AP1B1: variants seen among roughly 807,000 people sequenced by gnomAD.
The protein encoded by AP1B1 is adaptor related protein complex 1 subunit beta 1, also known as AP-1 complex subunit beta-1.
A neutral mutation model predicts 104.3 loss-of-function variants in AP1B1; 36 were observed. The ratio of observed to expected loss-of-function variants is 0.35; its 90% CI spans 0.26 to 0.46. The LOEUF (loss-of-function observed/expected upper bound fraction) is 0.46. Ranked by LOEUF, AP1B1 falls within the 20% of genes least tolerant of loss-of-function variation. The pLI, the probability that AP1B1 is intolerant of heterozygous loss-of-function variation, is 1.00. For synonymous variants in AP1B1, 504 were observed against 517.5 expected (o/e 0.97, Z 0.35); for missense variants, 901 against 1,247.9 (o/e 0.72, Z 4.19).
intron 1 of AP1B1, among the ~76,000 whole-genome samples, chr22:29,373,937 C>G (rs1322305970): frequency 7.7e-6 from 1 of 130,372 alleles, no homozygotes; most frequent in Non-Finnish European, 1.6e-5. Flanking sequence ...GTGGCTCACA[C>G]CTGTAATCCC....
At chr22:29,355,704 T>C (rs2061945683) in intron 6 of AP1B1, among the ~76,000 whole-genome samples, 1 of 151,988 alleles carries the variant, frequency 6.6e-6, no homozygotes, top group Non-Finnish European at 1.5e-5. Context: ...GAGACCAGTC[T>C]GGGCAACATG....
At chr22:29,376,356 G>A (rs1314733390) in intron 1 of AP1B1, among the ~76,000 whole-genome samples, 1 of 152,174 alleles carries the variant, frequency 6.6e-6, no homozygotes, top group Non-Finnish European at 1.5e-5. Context: ...CACACTCTTG[G>A]CACTCAGTGA....
chr22:29,358,614 G>A, intron 5 of AP1B1, 112 bp downstream of exon 5: 2 of 1,417,858 alleles, frequency 1.4e-6, no homozygotes, highest in South Asian at 2.7e-5. Flanking sequence ...GGCACCCCCA[G>A]CCAGGCTCCG....
rs1320742734 is a variant in AP1B1, at chr22:29,341,715, G to A, written c.1582C>T (p.Arg528Cys). 3 of 1,613,788 alleles carry A rather than the reference G, an allele frequency of 1.9e-6. No homozygotes were observed. Among genetic ancestry groups the A allele is most frequent in the Non-Finnish European group, 2.5e-6 (3 of 1,179,714 alleles). ...GCCACCGGGTCCGTGGACAGCAGGC[G>A]CCAGTAGATGTAGCCACGGTCCCGC... is the stretch of plus-strand genomic sequence containing the variant. ...DLRDRGYIYW[R>C]LLSTDPVAAK... Residue 528 changes from arginine (R) to cysteine (C), a missense_variant, in exon 13 of 23, where the codon CGC (arginine) becomes TGC (cysteine). Physicochemically the swap from Arg to Cys is radical, Grantham distance 180. Around this residue, in one of 3 missense-constraint regions of AP1B1, gnomAD observed 471 missense variants for 696.7 expected, o/e 0.68. Transcript: ENST00000357586.
At chr22:29,329,597 G>A (rs918146560) in intron 22 of AP1B1, 115 bp downstream of exon 22, 28 of 1,555,838 alleles carry the variant, frequency 1.8e-5, no homozygotes, top group African/African-American at 1.6e-4. Flanking sequence ...GAAGCCCCCC[G>A]GGTGAGGTGA....
At position 29,349,089 on chromosome 22, in the gene AP1B1, G is replaced by A. The variant is rs964287563; in HGVS notation, c.1437+129C>T. 2.0e-5 allele frequency: 22 copies of A among 1,079,598 alleles called. No individual in the cohort carries two copies. The Admixed American group carries it at 2.4e-4, about 12-fold the overall frequency. The allele number at this position is 1,079,598 out of a possible 1,614,324, so 66.9% of individuals were successfully genotyped here. ...GGAAAAGGGGCGGTGTCCATTACGC[G>A]CACATCACTCATCTGTCTGTCAGGG... is the stretch of plus-strand genomic sequence containing the variant. On this transcript the variant is annotated intron_variant, in intron 11 of 22. Coordinates refer to ENST00000357586, the MANE Select transcript of AP1B1 (RefSeq NM_001127.4).
intron 10 of AP1B1, 70 bp from the exon 11 acceptor site, chr22:29,349,453 G>A: frequency 1.3e-6 from 2 of 1,552,760 alleles, no homozygotes; most frequent in East Asian, 2.3e-5. Flanking sequence ...AGCCAGACAG[G>A]GGCCAGGAGG....
intron 9 of AP1B1, 80 bp from the exon 10 acceptor site, chr22:29,350,230 A>G: frequency 9.2e-7 from 1 of 1,088,348 alleles, no homozygotes; most frequent in Non-Finnish European, 1.4e-6. Context: ...GCCTCGGCCA[A>G]GGGCTGCAAA....
chr22:29,355,221 AGT>A (rs897536895), intron 6 of AP1B1, among the ~76,000 whole-genome samples: 3 of 151,588 alleles, frequency 2.0e-5, no homozygotes, highest in Non-Finnish European at 4.4e-5. Context: ...TGGGCAACAG[AGT>A]GAGACCCTGT....
At chr22:29,343,986 CTGTAA>C (rs1704037951) in intron 11 of AP1B1, among the ~76,000 whole-genome samples, 1 of 151,850 alleles carries the variant, frequency 6.6e-6, no homozygotes, top group African/African-American at 2.4e-5. Flanking sequence ...TGGCAGGTAC[CTGTAA>C]TCCCAGCTAC....
At chr22:29,375,078 C>T (rs529980847) in intron 1 of AP1B1, among the ~76,000 whole-genome samples, 2 of 152,316 alleles carry the variant, frequency 1.3e-5, no homozygotes, top group South Asian at 2.1e-4. Context: ...TGGCCGGGCG[C>T]GGTGGCTCAT....
At chr22:29,357,789 G>C (rs1176752242) in intron 5 of AP1B1, among the ~76,000 whole-genome samples, 1 of 145,870 alleles carries the variant, frequency 6.9e-6, no homozygotes, top group Non-Finnish European at 1.5e-5. Context: ...CTGGGTACAA[G>C]TGATTCTCCT....
intron 3 of AP1B1, among the ~76,000 whole-genome samples, chr22:29,361,800 G>GT (rs930394604): frequency 0.013 from 1,860 of 144,500 alleles, 37 homozygotes; most frequent in African/African-American, 0.042. Context: ...GACCTTGAAT[G>GT]TTTTTTTTTT....
chr22:29,388,467 T>G lies in AP1B1; in HGVS notation c.-71A>C, dbSNP rs1039669516. ...CCCGGCGCCCCGGCTCGGTTCGGCT[T>G]GGCACCAAAATGTCCGCGGCCTCCA... On this transcript the variant is annotated 5_prime_UTR_variant, in exon 1 of 23. Transcript: ENST00000357586. The G allele has an allele frequency of 6.6e-6, 1 of 152,272 alleles. No homozygotes were observed. The highest frequency in any genetic ancestry group is 2.4e-5 in the African/African-American group (1 of 41,452). 9.4% of individuals were successfully genotyped at this position (152,272 alleles called of 1,614,324 possible).
rs911888446 is a variant in AP1B1, at chr22:29,349,934, C to T, written c.1271+101G>A. 4.3e-6 allele frequency: 4 copies of T among 940,862 alleles called. No homozygotes were observed. The African/African-American group carries it at 6.5e-5, about 15-fold the overall frequency. 58.3% of individuals were successfully genotyped at this position (940,862 alleles called of 1,614,324 possible). ...TTCTTTTGAGAATGACGCTTGTGGC[C>T]AAGAAGTAAGGAAGAGGAGATTCCT... On this transcript the variant is annotated intron_variant, in intron 10 of 22. Transcript: ENST00000357586.
At chr22:29,331,402 G>A in intron 19 of AP1B1, 47 bp downstream of exon 19, 1 of 1,593,040 alleles carries the variant, frequency 6.3e-7, no homozygotes, top group Non-Finnish European at 8.6e-7. Context: ...AGGTTCCCAA[G>A]CCACAGCCCC....
In AP1B1 at chr22:29,356,564, C is replaced by T. The variant is rs1013785497; in HGVS notation, c.578G>A (p.Ser193Asn). 2.0e-5 allele frequency: 33 copies of T among 1,614,002 alleles called. No individual in the cohort carries two copies. Among genetic ancestry groups the T allele is most frequent in the Admixed American group, 1.5e-4 (9 of 59,984 alleles). Residue 193 changes from serine (S) to asparagine (N), a missense_variant, in exon 6 of 23, where the codon AGC (serine) becomes AAC (asparagine). Around this residue, in one of 3 missense-constraint regions of AP1B1, gnomAD observed 471 missense variants for 696.7 expected, o/e 0.68. Transcript: ENST00000357586. ...ALSEIAESHPSSNLLDLNPQS... is the reference protein window; with the variant it reads ...ALSEIAESHPNSNLLDLNPQS... ...TGGGTTCAGATCGAGCAGGTTGCTG[C>T]TGGGGTGAGACTCGGCAATTTCTGA...
intron 2 of AP1B1, among the ~76,000 whole-genome samples, chr22:29,365,243 C>T (rs34234634): frequency 0.35 from 53,546 of 151,908 alleles, 10,308 homozygotes; most frequent in East Asian, 0.66. Flanking sequence ...ACCCACTTTG[C>T]TTTCCTAAAC....
chr22:29,365,253 C>A (rs527268083), intron 2 of AP1B1, among the ~76,000 whole-genome samples: 1,799 of 152,292 alleles, frequency 0.012, 28 homozygotes, highest in African/African-American at 0.04. Context: ...CTTTCCTAAA[C>A]CTGTTTCCTT....
Sources: gnomAD v4.1 joint callset for allele counts (sites outside exome capture counted in the v4.1 genomes callset) on GRCh38, gnomAD v4.1.1 for gene constraint, gnomAD v4.1.1 regional missense constraint, MANE v1.5 for transcripts, NCBI Gene and HGNC (gene_info 2026-07-23, HGNC 2026-07-21) for gene names.